The following FGF14 variants were observed in gnomAD, a reference collection of about 807,000 sequenced individuals.
FGF14 encodes the protein fibroblast growth factor 14.
A neutral mutation model predicts 25.5 loss-of-function variants in FGF14; 5 were observed. That is an observed-to-expected ratio of 0.20 (90% confidence interval 0.10 to 0.41). The LOEUF (loss-of-function observed/expected upper bound fraction) is 0.41, where lower values mean the gene tolerates loss of function less well. Among genes scored for constraint, FGF14 ranks in the 10% least tolerant of loss-of-function variants. FGF14 has a pLI of 1.00. For synonymous variants in FGF14, 138 were observed against 118.3 expected (o/e 1.17, Z -1.08); for missense variants, 222 against 320.1 (o/e 0.69, Z 2.34).
At chr13:102,135,339 ATC>A (rs1253515403) in intron 1 of FGF14, among the ~76,000 whole-genome samples, 1 of 152,216 alleles carries the variant, frequency 6.6e-6, no homozygotes, top group Non-Finnish European at 1.5e-5. Context: ...CCCAGCTAAC[ATC>A]TGGTATCAAG....
intron 1 of FGF14, among the ~76,000 whole-genome samples, chr13:102,239,071 G>T (rs1255162722): frequency 9.6e-6 from 1 of 104,112 alleles, no homozygotes; most frequent in African/African-American, 4.9e-5. Flanking sequence ...TCAGTAACTC[G>T]CTGGTTAAAA....
chr13:102,215,356 C>A (rs1454374733), intron 1 of FGF14, among the ~76,000 whole-genome samples: 1 of 152,160 alleles, frequency 6.6e-6, no homozygotes, highest in Non-Finnish European at 1.5e-5. Context: ...TTGATTCCAG[C>A]TTTTTAAAAA....
At chr13:101,766,425 A>G (rs959697013) in intron 3 of FGF14, among the ~76,000 whole-genome samples, 5 of 152,192 alleles carry the variant, frequency 3.3e-5, no homozygotes, top group African/African-American at 1.2e-4. Flanking sequence ...TGCACAGACA[A>G]TAAGAGGAAG....
In FGF14 at chr13:101,717,411, T is replaced by C. The variant is rs1056473673; in HGVS notation, c.*5420A>G. ...TTCCGTAAAATGAGGGAAATATAAG[T>C]AGTCAATAAATAATGTAGGTTATAT... On this transcript the variant is annotated 3_prime_UTR_variant, in exon 5 of 5. Coordinates refer to ENST00000376143, the MANE Select transcript of FGF14 (RefSeq NM_004115.4). 1.3e-5 allele frequency: 2 copies of C among 152,164 alleles called. No homozygotes were observed. Among genetic ancestry groups the C allele is most frequent in the Non-Finnish European group, 2.9e-5 (2 of 68,028 alleles). The allele number at this position is 152,164 out of a possible 1,614,324, so 9.4% of individuals were successfully genotyped here.
chr13:101,856,765 C>T (rs149797070), intron 3 of FGF14, among the ~76,000 whole-genome samples: 2,350 of 152,068 alleles, frequency 0.015, 60 homozygotes, highest in African/African-American at 0.054. Flanking sequence ...CATCATGTTA[C>T]AATTTTATTC....
rs869029348 is a variant in FGF14, at chr13:101,996,847, AAACATAGAGAGGAAGC to A, written c.209-121567_209-121552del. Among the ~76,000 whole-genome samples the A allele has an allele frequency of 7.5e-4, 115 of 152,344 alleles. 1 individual carries two copies. Among genetic ancestry groups the A allele is most frequent in the African/African-American group, 2.7e-3 (113 of 41,590 alleles). On this transcript the variant is annotated intron_variant, in intron 1 of 4. Transcript: ENST00000376131. ...CATGGAACAATTTTCTCTACCTTCCAAACATAGAGAGGAAGCAACAGAAACCAATGGAATCCACCAG... is the reference window on the plus strand; with the variant it reads ...CATGGAACAATTTTCTCTACCTTCCAAACAGAAACCAATGGAATCCACCAG...
intron 1 of FGF14, among the ~76,000 whole-genome samples, chr13:101,899,851 T>C (rs563128309): frequency 6.6e-6 from 1 of 152,066 alleles, no homozygotes; most frequent in African/African-American, 2.4e-5. Context: ...CTGATAAAAA[T>C]GGAGAAAAGA....
intron 1 of FGF14, among the ~76,000 whole-genome samples, chr13:101,893,721 T>C (rs546906742): frequency 1.3e-5 from 2 of 152,324 alleles, no homozygotes; most frequent in African/African-American, 4.8e-5. Context: ...AAATGGATTC[T>C]TTTCTACAGC....
At chr13:102,095,510 A>G (rs1255426613) in intron 1 of FGF14, among the ~76,000 whole-genome samples, 1 of 152,204 alleles carries the variant, frequency 6.6e-6, no homozygotes, top group Non-Finnish European at 1.5e-5. Context: ...AAAAAGTTAT[A>G]CAGAAATTAC....
At chr13:102,047,115 T>C (rs539025462) in intron 1 of FGF14, among the ~76,000 whole-genome samples, 9 of 152,208 alleles carry the variant, frequency 5.9e-5, no homozygotes, top group Non-Finnish European at 8.8e-5. Flanking sequence ...ATAAATAGTA[T>C]ATTTTTTCTG....
intron 1 of FGF14, among the ~76,000 whole-genome samples, chr13:102,172,770 T>C (rs1439261863): frequency 6.6e-6 from 1 of 152,140 alleles, no homozygotes; most frequent in Non-Finnish European, 1.5e-5. Context: ...CATCAATACT[T>C]CTTGTATTTT....
intron 1 of FGF14, among the ~76,000 whole-genome samples, chr13:101,950,392 C>G (rs1338508250): frequency 2.0e-5 from 3 of 152,188 alleles, no homozygotes; most frequent in Admixed American, 2.0e-4. Context: ...GACAGCTATA[C>G]ATGATTGTGT....
intron 1 of FGF14, among the ~76,000 whole-genome samples, chr13:102,225,701 ACT>A (rs1219528001): frequency 6.6e-6 from 1 of 151,940 alleles, no homozygotes; most frequent in African/African-American, 2.4e-5. Flanking sequence ...AACTGTTTTG[ACT>A]CTCAGCTCTG....
chr13:101,830,389 G>C (rs1038367010), intron 3 of FGF14, among the ~76,000 whole-genome samples: 3 of 152,014 alleles, frequency 2.0e-5, no homozygotes. Context: ...AAGTGCCCTG[G>C]GAAGTACAGG....
chr13:102,309,045 T>G (rs893551279), intron 1 of FGF14, among the ~76,000 whole-genome samples: 1 of 151,932 alleles, frequency 6.6e-6, no homozygotes, highest in African/African-American at 2.4e-5. Flanking sequence ...AACCTTGCTA[T>G]GTTAGTAATG....
At chr13:101,847,435 A>C (rs1349334414) in intron 3 of FGF14, among the ~76,000 whole-genome samples, 4 of 152,082 alleles carry the variant, frequency 2.6e-5, no homozygotes, top group African/African-American at 4.8e-5. Flanking sequence ...TTTATCTCTG[A>C]ATCAGAAATG....
chr13:101,768,852 A>G (rs903222678), intron 3 of FGF14, among the ~76,000 whole-genome samples: 2 of 152,180 alleles, frequency 1.3e-5, no homozygotes, highest in African/African-American at 4.8e-5. Flanking sequence ...AAAATGCAAA[A>G]TTATAAAAAT....
At chr13:101,863,870 T>C (rs2044556520) in intron 3 of FGF14, among the ~76,000 whole-genome samples, 1 of 152,128 alleles carries the variant, frequency 6.6e-6, no homozygotes, top group Admixed American at 6.6e-5. Flanking sequence ...GCTCGGATGC[T>C]TTTATGCCTG....
intron 1 of FGF14, among the ~76,000 whole-genome samples, chr13:102,222,161 T>C (rs944326736): frequency 2.0e-5 from 3 of 152,158 alleles, no homozygotes; most frequent in East Asian, 3.9e-4. Context: ...GCATCGTAAG[T>C]ATGTAGTAAG....
Sources: gnomAD v4.1 joint callset for allele counts (sites outside exome capture counted in the v4.1 genomes callset) on GRCh38, gnomAD v4.1.1 for gene constraint, MANE v1.5 for transcripts, NCBI Gene and HGNC (gene_info 2026-07-23, HGNC 2026-07-21) for gene names.